The following CDC25C variants were observed in gnomAD, a reference collection of about 807,000 sequenced individuals.
CDC25C encodes cell division cycle 25C.
Under a neutral mutation model 52.5 loss-of-function variants are expected in CDC25C, and 48 were observed. That is an observed-to-expected ratio of 0.91 (90% CI 0.72 to 1.16). The LOEUF (loss-of-function observed/expected upper bound fraction) is 1.16, where lower values mean the gene tolerates loss of function less well. Among genes scored for constraint, CDC25C ranks in the 50% most tolerant of loss-of-function variants. The pLI, the probability that CDC25C is intolerant of heterozygous loss-of-function variation, is 0.00. For synonymous variants in CDC25C, 187 were observed against 206.5 expected (o/e 0.91, Z 0.81); for missense variants, 510 against 566.1 (o/e 0.90, Z 1.01).
At chr5:138,338,272 G>C in exon 1 of CDC25C, 1 of 946,096 alleles carries the variant, frequency 1.1e-6, no homozygotes, top group Non-Finnish European at 1.5e-6. Context: ...GCTCAGAGCT[G>C]CTCCGGCCGC....
chr5:138,291,823 AAGAC>A, intron 8 of CDC25C, 143 bp downstream of exon 8: 1 of 439,000 alleles, frequency 2.3e-6, no homozygotes, highest in Non-Finnish European at 3.9e-6. Flanking sequence ...AGATGTAGAA[AAGAC>A]AGAAAGATGG....
intron 7 of CDC25C, among the ~76,000 whole-genome samples, chr5:138,293,649 CTTTT>C (rs1217960715): frequency 2.2e-5 from 3 of 138,298 alleles, no homozygotes; most frequent in African/African-American, 5.3e-5. Context: ...TGAAACTTAT[CTTTT>C]TTTTTTTTTT....
upstream of CDC25C, among the ~76,000 whole-genome samples, chr5:138,333,021 G>A (rs371151621): frequency 6.6e-6 from 1 of 152,150 alleles, no homozygotes; most frequent in South Asian, 2.1e-4. Flanking sequence ...GCTAAATGCA[G>A]ATTCTGATTC....
chr5:138,307,490 CAAAAAAAA>C (rs57593237), intron 7 of CDC25C, among the ~76,000 whole-genome samples: 8 of 88,250 alleles, frequency 9.1e-5, no homozygotes, highest in Non-Finnish European at 1.2e-4. Context: ...GAGACTGCCA[CAAAAAAAA>C]AAAAAAAAAA....
chr5:138,303,592 T>A (rs1008940992), intron 7 of CDC25C, among the ~76,000 whole-genome samples: 9 of 152,176 alleles, frequency 5.9e-5, no homozygotes, highest in Non-Finnish European at 1.3e-4. Context: ...GAATGACTCA[T>A]TCCTCCTGAC....
At chr5:138,336,571 A>T (rs1270976758), upstream of CDC25C, among the ~76,000 whole-genome samples, 2 of 152,162 alleles carry the variant, frequency 1.3e-5, no homozygotes, top group Non-Finnish European at 1.5e-5. Context: ...CTGTAGTTCT[A>T]GCTATTCAGG....
chr5:138,329,676 TC>T, intron 2 of CDC25C, 29 bp from the exon 3 acceptor site: 1 of 1,215,334 alleles, frequency 8.2e-7, no homozygotes, highest in Non-Finnish European at 1.2e-6. Context: ...ACATCGAAAT[TC>T]CCATTAGATT....
At chr5:138,318,739 GAAGA>G (rs1160657917) in intron 7 of CDC25C, among the ~76,000 whole-genome samples, 2 of 152,046 alleles carry the variant, frequency 1.3e-5, no homozygotes, top group Non-Finnish European at 2.9e-5. Flanking sequence ...ACAAAAAAAA[GAAGA>G]ATGAATTCTT....
intron 4 of CDC25C, among the ~76,000 whole-genome samples, chr5:138,326,999 G>A (rs1393998948): frequency 6.9e-6 from 1 of 145,748 alleles, no homozygotes; most frequent in Non-Finnish European, 1.5e-5. Context: ...GCTCACGCTT[G>A]TAATTCCAGC....
intron 7 of CDC25C, among the ~76,000 whole-genome samples, chr5:138,298,163 AT>A (rs34763291): frequency 0.63 from 83,249 of 131,422 alleles, 26,147 homozygotes; most frequent in East Asian, 0.87. Context: ...CACACCTTGC[AT>A]TTTTTTTTTT....
chr5:138,299,631 C>T (rs1757491314), intron 7 of CDC25C, among the ~76,000 whole-genome samples: 2 of 150,358 alleles, frequency 1.3e-5, no homozygotes, highest in African/African-American at 2.5e-5. Context: ...TACAACATAC[C>T]AAAGCTTATG....
At chr5:138,296,760 C>T (rs1294665492) in intron 7 of CDC25C, among the ~76,000 whole-genome samples, 3 of 151,126 alleles carry the variant, frequency 2.0e-5, no homozygotes, top group African/African-American at 7.3e-5. Context: ...CGCCCGCCAC[C>T]GCACACAGCT....
intron 6 of CDC25C, among the ~76,000 whole-genome samples, chr5:138,322,461 G>A (rs1365751825): frequency 2.4e-5 from 3 of 125,216 alleles, no homozygotes; most frequent in Non-Finnish European, 3.5e-5. Context: ...CACCACGCCC[G>A]GCTAATTTTT....
chr5:138,324,520 GGGGCAGAGGA>G (rs1759701250), intron 6 of CDC25C, among the ~76,000 whole-genome samples: 1 of 152,002 alleles, frequency 6.6e-6, no homozygotes, highest in Non-Finnish European at 1.5e-5. Flanking sequence ...AGCACTTTGG[GGGGCAGAGGA>G]GGGCAGACTA....
At chr5:138,294,008 T>C (rs1756973213) in intron 7 of CDC25C, among the ~76,000 whole-genome samples, 1 of 149,708 alleles carries the variant, frequency 6.7e-6, no homozygotes, top group Admixed American at 6.8e-5. Context: ...ACAAAAATTG[T>C]CTCCGTTTTC....
chr5:138,329,997 C>T (rs1328278648), intron 2 of CDC25C, among the ~76,000 whole-genome samples: 1 of 152,084 alleles, frequency 6.6e-6, no homozygotes, highest in African/African-American at 2.4e-5. Context: ...TTCCAAAGTG[C>T]TGGGATTACA....
In CDC25C at chr5:138,292,005, T is replaced by C; in HGVS notation, c.727A>G (p.Lys243Glu). The C allele has an allele frequency of 6.2e-7, 1 of 1,610,466 alleles. No homozygotes were observed. Among genetic ancestry groups the C allele is most frequent in the South Asian group, 1.1e-5 (1 of 90,442 alleles). ...KDNTIPDKVK[K>E]KYFSGQGKLR... Reference sequence around the variant, plus strand: ...TTTCCTTGGCCAGAAAAATACTTTTTTTTAACTTTATCTGGTATTGTGTTG... The same window carrying C: ...TTTCCTTGGCCAGAAAAATACTTTTCTTTAACTTTATCTGGTATTGTGTTG... The change falls in exon 8 of 14, where the codon AAA (lysine) becomes GAA (glutamate). Residue 243 changes from lysine (K) to glutamate (E), a missense_variant. Physicochemically the swap from Lys to Glu is moderately conservative, Grantham distance 56. Coordinates refer to ENST00000323760, the MANE Select transcript of CDC25C (RefSeq NM_001790.5).
intron 6 of CDC25C, among the ~76,000 whole-genome samples, chr5:138,323,388 C>T (rs1021442704): frequency 2.0e-5 from 3 of 152,152 alleles, no homozygotes; most frequent in Non-Finnish European, 4.4e-5. Context: ...GCCTCAGGCT[C>T]TTGGGCCGAG....
intron 4 of CDC25C, among the ~76,000 whole-genome samples, chr5:138,326,794 A>G (rs1759898423): frequency 6.6e-6 from 1 of 152,042 alleles, no homozygotes; most frequent in Admixed American, 6.5e-5. Context: ...CTCTACTAAA[A>G]ATACAAAATT....
Sources: allele counts gnomAD v4.1 joint callset (sites outside exome capture counted in the v4.1 genomes callset), GRCh38; gene constraint gnomAD v4.1.1; transcripts MANE v1.5; gene names NCBI Gene and HGNC (gene_info 2026-07-23, HGNC 2026-07-21).